Variants in CAB39 observed in about 807,000 individuals in gnomAD.
CAB39 encodes the protein calcium-binding protein 39.
CAB39 carries 8 observed loss-of-function variants against 40.0 expected under a neutral mutation model. The observed-to-expected ratio is 0.20, with a 90% confidence interval of 0.12 to 0.36. The LOEUF is 0.36. Among genes scored for constraint, CAB39 ranks in the 10% least tolerant of loss-of-function variants. CAB39 has a pLI of 1.00. For synonymous variants in CAB39, 156 were observed against 141.6 expected (o/e 1.10, Z -0.72); for missense variants, 270 against 401.1 (o/e 0.67, Z 2.79).
intron 5 of CAB39, among the ~76,000 whole-genome samples, chr2:230,804,550 A>G (rs1369277553): frequency 6.6e-6 from 1 of 152,210 alleles, no homozygotes; most frequent in East Asian, 1.9e-4. Context: ...AATTTACAAG[A>G]AAAAAATCAA....
chr2:230,716,334 T>C (rs1694349384), intron 1 of CAB39, among the ~76,000 whole-genome samples: 1 of 152,216 alleles, frequency 6.6e-6, no homozygotes. Context: ...TTGATCAACT[T>C]TTGTGGGATT....
intron 1 of CAB39, among the ~76,000 whole-genome samples, chr2:230,746,054 A>G (rs1372086297): frequency 6.6e-6 from 1 of 152,212 alleles, no homozygotes; most frequent in Non-Finnish European, 1.5e-5. Context: ...AAAGTCACTC[A>G]GCAAACATTT....
chr2:230,738,776 G>T (rs1559593494), intron 1 of CAB39, among the ~76,000 whole-genome samples: 1 of 152,220 alleles, frequency 6.6e-6, no homozygotes, highest in Non-Finnish European at 1.5e-5. Flanking sequence ...GGCCAGAACA[G>T]AAATAGCAAT....
intron 1 of CAB39, among the ~76,000 whole-genome samples, chr2:230,734,276 C>T (rs532101630): frequency 3.9e-5 from 6 of 152,308 alleles, no homozygotes; most frequent in African/African-American, 7.2e-5. Flanking sequence ...CTTGCTTATT[C>T]GCCCCTTGAT....
chr2:230,794,189 T>C (rs1695939894), intron 4 of CAB39, among the ~76,000 whole-genome samples: 1 of 152,226 alleles, frequency 6.6e-6, no homozygotes, highest in African/African-American at 2.4e-5. Context: ...GATTCACGTC[T>C]CTGCGGTTTA....
intron 1 of CAB39, among the ~76,000 whole-genome samples, chr2:230,726,767 T>C (rs533202889): frequency 9.2e-5 from 14 of 152,124 alleles, no homozygotes; most frequent in Admixed American, 2.6e-4. Flanking sequence ...CTTGTTCACA[T>C]AGTGATTGGA....
At chr2:230,719,291 A>T (rs1282698221) in intron 1 of CAB39, among the ~76,000 whole-genome samples, 1 of 152,212 alleles carries the variant, frequency 6.6e-6, no homozygotes, top group Non-Finnish European at 1.5e-5. Context: ...TAACACAAAC[A>T]TTGCACAGTT....
At chr2:230,788,246 GTTT>G (rs201593174) in intron 2 of CAB39, among the ~76,000 whole-genome samples, 1 of 136,784 alleles carries the variant, frequency 7.3e-6, no homozygotes, top group Admixed American at 7.2e-5. Flanking sequence ...TTGTTTTTCG[GTTT>G]TTTTTTTTTT....
At chr2:230,817,994 C>A in intron 8 of CAB39, 97 bp downstream of exon 8, 1 of 1,083,204 alleles carries the variant, frequency 9.2e-7, no homozygotes, top group Non-Finnish European at 1.4e-6. Flanking sequence ...TCTGGTAATC[C>A]AGGTGACTTA....
chr2:230,795,133 G>T (rs1348669673), intron 4 of CAB39, among the ~76,000 whole-genome samples: 3 of 152,034 alleles, frequency 2.0e-5, no homozygotes, highest in African/African-American at 7.2e-5. Flanking sequence ...AAAATTAGCC[G>T]GGTGTGGTGG....
intron 1 of CAB39, among the ~76,000 whole-genome samples, chr2:230,735,022 G>A (rs969540434): frequency 2.6e-5 from 4 of 152,074 alleles, no homozygotes; most frequent in East Asian, 1.9e-4. Flanking sequence ...TTATCTCATC[G>A]GCTTGTTTTT....
chr2:230,742,994 C>A (rs1559594826), intron 1 of CAB39, among the ~76,000 whole-genome samples: 1 of 152,194 alleles, frequency 6.6e-6, no homozygotes, highest in African/African-American at 2.4e-5. Context: ...ATTTTCCTCT[C>A]ATATGTGGTA....
chr2:230,742,077 C>T (rs1476112442), intron 1 of CAB39, among the ~76,000 whole-genome samples: 2 of 152,188 alleles, frequency 1.3e-5, no homozygotes, highest in African/African-American at 4.8e-5. Context: ...GATTCATACT[C>T]AGCATGCAGT....
At chr2:230,727,334 G>T (rs1694598475) in intron 1 of CAB39, among the ~76,000 whole-genome samples, 1 of 149,184 alleles carries the variant, frequency 6.7e-6, no homozygotes, top group Non-Finnish European at 1.5e-5. Context: ...ATGTATTTAA[G>T]AAGTAGAGCA....
At chr2:230,731,825 AT>A (rs1694695716) in intron 1 of CAB39, among the ~76,000 whole-genome samples, 1 of 152,030 alleles carries the variant, frequency 6.6e-6, no homozygotes, top group African/African-American at 2.4e-5. Flanking sequence ...TGATGTGTGA[AT>A]TTTATCTCAA....
chr2:230,788,767 T>C (rs1229154518), intron 2 of CAB39, among the ~76,000 whole-genome samples: 17 of 152,210 alleles, frequency 1.1e-4, no homozygotes, highest in Admixed American at 9.8e-4. Context: ...TGTCAAGAAG[T>C]CTGTTGTCAT....
chr2:230,747,567 T>C (rs1273004265), intron 1 of CAB39, among the ~76,000 whole-genome samples: 2 of 152,246 alleles, frequency 1.3e-5, no homozygotes, highest in Non-Finnish European at 2.9e-5. Flanking sequence ...AAACATGGAT[T>C]ACAGTGGTCA....
chr2:230,770,533 C>T (rs183133520), intron 2 of CAB39, among the ~76,000 whole-genome samples: 19 of 152,308 alleles, frequency 1.2e-4, no homozygotes, highest in Admixed American at 1.1e-3. Flanking sequence ...AGAAATAATA[C>T]AATTTCTATG....
At chr2:230,816,336 T>G (rs2438297) in intron 7 of CAB39, among the ~76,000 whole-genome samples, 2,647 of 152,348 alleles carry the variant, frequency 0.017, 41 homozygotes, top group Non-Finnish European at 0.028. Flanking sequence ...GTTTCTGTGA[T>G]AGAAAAAGAA....
Sources: gnomAD v4.1 joint callset for allele counts (sites outside exome capture counted in the v4.1 genomes callset) on GRCh38, gnomAD v4.1.1 for gene constraint, MANE v1.5 for transcripts, NCBI Gene and HGNC (gene_info 2026-07-23, HGNC 2026-07-21) for gene names.